Variants in PLXNA4 observed in about 807,000 individuals in gnomAD.
PLXNA4 encodes plexin-A4.
In PLXNA4, 44 loss-of-function variants were observed where a neutral mutation model predicts 191.8. That is an observed-to-expected ratio of 0.23 (90% CI 0.18 to 0.29). PLXNA4 has a LOEUF of 0.29. PLXNA4 is among the 10% of genes least tolerant of loss of function. The pLI is 1.00. For missense variants in PLXNA4, 1,800 were observed against 2,488.8 expected, an observed-to-expected ratio of 0.72 and a Z score of 5.89; for synonymous variants, 1,082 against 1,009.5, an observed-to-expected ratio of 1.07 and a Z score of -1.36.
chr7:132,620,998 T>C (rs952297734), intron 2 of PLXNA4, among the ~76,000 whole-genome samples: 2 of 152,148 alleles, frequency 1.3e-5, no homozygotes, highest in Admixed American at 1.3e-4. Context: ...ATCTCTCTCA[T>C]GTCTTTTCTT....
chr7:132,401,498 A>T (rs1167475140), intron 3 of PLXNA4, among the ~76,000 whole-genome samples: 1 of 152,246 alleles, frequency 6.6e-6, no homozygotes, highest in Non-Finnish European at 1.5e-5. Context: ...CATGTGATAC[A>T]GTACCAAAAG....
intron 3 of PLXNA4, among the ~76,000 whole-genome samples, chr7:132,444,107 C>A (rs1795800573): frequency 6.6e-6 from 1 of 152,234 alleles, no homozygotes; most frequent in Admixed American, 6.5e-5. Flanking sequence ...TTGATTAATA[C>A]CCTTTTCTAG....
chr7:132,184,918 CCTT>C (rs1217500246), intron 16 of PLXNA4, among the ~76,000 whole-genome samples: 1 of 152,094 alleles, frequency 6.6e-6, no homozygotes, highest in East Asian at 1.9e-4. Flanking sequence ...TGATCTAACT[CCTT>C]CTTCCACACC....
Position 132,140,691 on chromosome 7 carries a change from G to A in PLXNA4, c.5346C>T (p.Cys1782=), listed in dbSNP as rs1795242947. ...TGCCCAGCCGGTGCTCTGACGTGGA[G>A]CAAGAGTCCATGAAGGTCTGAGCCA... is the stretch of plus-strand genomic sequence containing the variant. ...SVVAQTFMDS[C]STSEHRLGKD... Residue 1782 remains cysteine (C), a synonymous_variant, in exon 30 of 32, where the codon TGC becomes TGT. Transcript: ENST00000321063. 1 of 1,614,060 alleles carries A rather than the reference G, an allele frequency of 6.2e-7. No individual in the cohort carries two copies. The highest frequency in any genetic ancestry group is 2.2e-5 in the East Asian group (1 of 44,896).
In PLXNA4 at chr7:132,153,251, C is replaced by T. The variant is rs1328229222; in HGVS notation, c.4661-4605G>A. ...GTTGTAGTTCTAGGGATCGATGAGTCTGAGCAGGAGAAAGTTGAGAGGCTG... is the reference window on the plus strand; with the variant it reads ...GTTGTAGTTCTAGGGATCGATGAGTTTGAGCAGGAGAAAGTTGAGAGGCTG... On this transcript the variant is annotated intron_variant, in intron 25 of 31. Transcript: ENST00000321063. Among the ~76,000 whole-genome samples, 5 of 152,254 alleles carry T rather than the reference C, an allele frequency of 3.3e-5. No individual in the cohort carries two copies. In the South Asian group the frequency reaches 8.3e-4, roughly 25 times the overall value.
intron 29 of PLXNA4, 24 bp downstream of exon 29, chr7:132,145,095 G>A: frequency 1.2e-6 from 2 of 1,613,544 alleles, no homozygotes; most frequent in Non-Finnish European, 1.7e-6. Flanking sequence ...CTCCCGATGT[G>A]CCCCCTGCCC....
At chr7:132,630,951 T>C (rs1396302771) in intron 2 of PLXNA4, among the ~76,000 whole-genome samples, 1 of 152,236 alleles carries the variant, frequency 6.6e-6, no homozygotes, top group Non-Finnish European at 1.5e-5. Context: ...TCTCCCTAAC[T>C]AAAACCCTTC....
chr7:132,407,136 G>A (rs1204633374), intron 3 of PLXNA4, among the ~76,000 whole-genome samples: 2 of 152,176 alleles, frequency 1.3e-5, no homozygotes, highest in African/African-American at 4.8e-5. Context: ...CATTTATTCT[G>A]GTAGTCCTGC....
chr7:132,293,121 C>T lies in PLXNA4; in HGVS notation c.1503+4970G>A, dbSNP rs559759226. Among the ~76,000 whole-genome samples, 3 of 152,182 alleles carry T rather than the reference C, an allele frequency of 2.0e-5. No homozygotes were observed. The East Asian group carries it at 5.8e-4, about 29-fold the overall frequency. On this transcript the variant is annotated intron_variant, in intron 4 of 31. Coordinates refer to ENST00000321063, the MANE Select transcript of PLXNA4 (RefSeq NM_020911.2). ...CCATGCCAGGAGCTTGGGCCTTATG[C>T]CAAGAATGATGAGATGCCCCTGATG...
chr7:132,330,671 T>C (rs1802556003), intron 3 of PLXNA4, among the ~76,000 whole-genome samples: 1 of 152,164 alleles, frequency 6.6e-6, no homozygotes, highest in African/African-American at 2.4e-5. Flanking sequence ...GGAAATGACA[T>C]GGCTGGTCAA....
rs538147487 is a variant in PLXNA4 at position 132,176,507 on chromosome 7, T to A, written c.3875-1587A>T. ...GTGGGTGCATGGGCACTTGTCTGAG[T>A]GTGTATGTCAGGGAGTGTATGTGAG... is the stretch of plus-strand genomic sequence containing the variant. On this transcript the variant is annotated intron_variant, in intron 20 of 31. Coordinates refer to ENST00000321063, the MANE Select transcript of PLXNA4 (RefSeq NM_020911.2). 9.2e-5 allele frequency among the ~76,000 whole-genome samples: 14 copies of A among 152,140 alleles called. No individual in the cohort carries two copies. The East Asian group carries it at 2.3e-3, about 25-fold the overall frequency.
intron 3 of PLXNA4, among the ~76,000 whole-genome samples, chr7:132,420,895 C>T (rs1428419480): frequency 3.3e-5 from 5 of 152,162 alleles, no homozygotes; most frequent in Non-Finnish European, 7.3e-5. Context: ...TGCCTTTCAC[C>T]TTCCTTCCAC....
intron 3 of PLXNA4, among the ~76,000 whole-genome samples, chr7:132,325,347 C>T (rs1045161226): frequency 5.9e-5 from 9 of 152,254 alleles, no homozygotes; most frequent in Admixed American, 5.9e-4. Flanking sequence ...ATAATCAGGG[C>T]CCCTCTGGAC....
In PLXNA4 at chr7:132,515,104, G is replaced by T. The variant is rs949969459; in HGVS notation, c.-86-6325C>A. On this transcript the variant is annotated intron_variant, in intron 1 of 31. Transcript: ENST00000321063. ...AAATCAGGTCTCCGACAAGCAACAG[G>T]CTTTGGATAGGGATACTAGGGGAGA... Among the ~76,000 whole-genome samples, 4 of 139,254 alleles carry T rather than the reference G, an allele frequency of 2.9e-5. No individual in the cohort carries two copies. In the East Asian group the frequency reaches 9.0e-4, roughly 31 times the overall value. 91.4% of individuals were successfully genotyped at this position (139,254 alleles called of 152,430 possible).
Position 132,196,146 on chromosome 7 carries a change from A to G in PLXNA4, c.2739-1967T>C, listed in dbSNP as rs995787715. ...TGCCATTATTATCCTCATTTTATAA[A>G]TGAAGAAACTGAGACAAATAAAATG... On this transcript the variant is annotated intron_variant, in intron 13 of 31. Transcript: ENST00000321063. Among the ~76,000 whole-genome samples, 51 of 152,248 alleles carry G rather than the reference A, an allele frequency of 3.3e-4. 3 individuals are homozygous for G. Among genetic ancestry groups the G allele is most frequent in the Non-Finnish European group, 2.9e-5 (2 of 68,048 alleles).
chr7:132,383,665 A>T (rs556628674), intron 3 of PLXNA4: 2 of 982,618 alleles, frequency 2.0e-6, no homozygotes, highest in East Asian at 2.3e-4. Context: ...ATTCTCCTAT[A>T]AATGAGTGTA....
intron 3 of PLXNA4, among the ~76,000 whole-genome samples, chr7:132,301,808 T>C (rs1469559750): frequency 6.6e-6 from 1 of 152,234 alleles, no homozygotes; most frequent in African/African-American, 2.4e-5. Flanking sequence ...TATTTTTGCT[T>C]TATACCTTGC....
intron 3 of PLXNA4, among the ~76,000 whole-genome samples, chr7:132,425,998 G>T (rs144719906): frequency 6.6e-6 from 1 of 152,220 alleles, no homozygotes; most frequent in African/African-American, 2.4e-5. Flanking sequence ...TAAAGTGCAG[G>T]CACAGGACTC....
chr7:132,486,308 A>G (rs988045106), intron 3 of PLXNA4, among the ~76,000 whole-genome samples: 3 of 152,242 alleles, frequency 2.0e-5, no homozygotes, highest in African/African-American at 7.2e-5. Context: ...TGGGAAAAGC[A>G]AGTCAGAATT....
Sources: allele counts gnomAD v4.1 joint callset (sites outside exome capture counted in the v4.1 genomes callset), GRCh38; gene constraint gnomAD v4.1.1; transcripts MANE v1.5; gene names NCBI Gene and HGNC (gene_info 2026-07-23, HGNC 2026-07-21).